The following IL13RA1 variants were observed in gnomAD, a reference collection of about 807,000 sequenced individuals.
IL13RA1 encodes interleukin-13 receptor subunit alpha-1.
Under a neutral mutation model 33.8 loss-of-function variants are expected in IL13RA1, and 14 were observed. The observed-to-expected ratio is 0.41, with a 90% CI of 0.27 to 0.65. The LOEUF is 0.65. Among genes scored for constraint, IL13RA1 ranks in the 30% least tolerant of loss-of-function variants. IL13RA1 has a pLI of 0.28. For synonymous variants in IL13RA1, 116 were observed against 115.7 expected (o/e 1.00, Z -0.02); for missense variants, 313 against 327.0 (o/e 0.96, Z 0.33).
chrX:118,802,451 G>A, the IL13RA1 span, among the ~76,000 whole-genome samples: 1 of 112,045 alleles, frequency 8.9e-6, no homozygotes, highest in South Asian at 3.7e-4. Flanking sequence ...TAATTACTTG[G>A]TAGGTTATGT....
chrX:118,764,131 T>A (rs1365024475), intron 6 of IL13RA1, among the ~76,000 whole-genome samples: 1 of 109,085 alleles, frequency 9.2e-6, no homozygotes, highest in Non-Finnish European at 1.9e-5. Context: ...CAGAGGTAGC[T>A]CATGACAGAA....
intron 9 of IL13RA1, among the ~76,000 whole-genome samples, chrX:118,774,866 T>C (rs1283072512): frequency 9.0e-6 from 1 of 111,652 alleles, no homozygotes; most frequent in African/African-American, 3.3e-5. Flanking sequence ...TATTTCAACA[T>C]TTATTCAACA....
intron 5 of IL13RA1, among the ~76,000 whole-genome samples, chrX:118,759,187 C>T (rs1231177606): frequency 9.0e-6 from 1 of 111,694 alleles, no homozygotes; most frequent in Non-Finnish European, 1.9e-5. Flanking sequence ...TAGAAAGCAC[C>T]CTCAGCTTGA....
chrX:118,762,767 AC>A (rs2017603266), intron 6 of IL13RA1, among the ~76,000 whole-genome samples: 1 of 112,199 alleles, frequency 8.9e-6, no homozygotes, highest in African/African-American at 3.2e-5. Flanking sequence ...AAGCTGAAAT[AC>A]ACTTGTTTAC....
intron 6 of IL13RA1, among the ~76,000 whole-genome samples, chrX:118,763,525 A>G (rs1334514738): frequency 8.9e-6 from 1 of 112,511 alleles, no homozygotes; most frequent in Non-Finnish European, 1.9e-5. Flanking sequence ...ACTTCCTCTT[A>G]ATAGCAATAG....
chrX:118,789,385 G>A (rs1033406091), intron 10 of IL13RA1, among the ~76,000 whole-genome samples: 3 of 111,985 alleles, frequency 2.7e-5, no homozygotes, highest in Admixed American at 9.5e-5. Flanking sequence ...CAGTATGTTC[G>A]ACTGGTTGTT....
intron 7 of IL13RA1, 117 bp from the exon 8 acceptor site, chrX:118,766,727 T>C (rs2017653703): frequency 1.7e-6 from 1 of 590,433 alleles, no homozygotes; most frequent in Admixed American, 3.2e-5. Flanking sequence ...ATAATTTGAA[T>C]TGCAATCCAA....
intron 10 of IL13RA1, among the ~76,000 whole-genome samples, chrX:118,786,503 G>A (rs2017919139): frequency 8.9e-6 from 1 of 112,139 alleles, no homozygotes. Flanking sequence ...CCAAAGTGCT[G>A]GGATTATAGG....
chrX:118,737,424 A>AT (rs2017294483), intron 1 of IL13RA1, among the ~76,000 whole-genome samples: 2 of 112,472 alleles, frequency 1.8e-5, no homozygotes, highest in African/African-American at 6.5e-5. Context: ...TGCCACTACC[A>AT]TTGTTATCTA....
intron 4 of IL13RA1, among the ~76,000 whole-genome samples, chrX:118,754,465 G>A (rs1357089902): frequency 1.8e-5 from 2 of 108,533 alleles, no homozygotes; most frequent in Non-Finnish European, 3.8e-5. Flanking sequence ...GTGAAACCCC[G>A]TCTCTACTAA....
At position 118,758,239 on chromosome X, in the gene IL13RA1, C is replaced by A. The variant is rs148722500; in HGVS notation, c.673C>A (p.Arg225Ser). 7.6e-5 allele frequency: 76 copies of A among 998,145 alleles called. No homozygotes were observed. In the African/African-American group the frequency reaches 1.4e-3, roughly 18 times the overall value. The allele number at this position is 998,145 out of a possible 1,213,427, so 82.3% of individuals were successfully genotyped here. ...PSFNIVPLTS[R>S]VKPDPPHIKN... The stretch of plus-strand genomic sequence containing the variant: ...CTTCAATATAGTGCCTTTAACTTCC[C>A]GTGGTAAGTTTTAGAAGTCCTCTAA... Residue 225 changes from arginine to serine, a missense_variant, in exon 5 of 11, where the codon CGT becomes AGT. Coordinates refer to ENST00000371666, the MANE Select transcript of IL13RA1 (RefSeq NM_001560.3).
At chrX:118,759,982 A>T (rs1019212561) in intron 5 of IL13RA1, among the ~76,000 whole-genome samples, 11 of 110,945 alleles carry the variant, frequency 9.9e-5, no homozygotes, top group African/African-American at 3.6e-4. Flanking sequence ...CATGTTTCGC[A>T]GGCTGGTCTC....
chrX:118,756,613 A>G (rs1470660975), intron 4 of IL13RA1, among the ~76,000 whole-genome samples: 5 of 111,672 alleles, frequency 4.5e-5, no homozygotes, highest in African/African-American at 1.6e-4. Context: ...GGTGTGGGCA[A>G]TGGATGTATC....
At chrX:118,746,341 C>A (rs1363811753) in intron 2 of IL13RA1, among the ~76,000 whole-genome samples, 1 of 111,181 alleles carries the variant, frequency 9.0e-6, no homozygotes, top group Non-Finnish European at 1.9e-5. Flanking sequence ...TCTCGAACTC[C>A]TGGGCTTAAG....
intron 9 of IL13RA1, among the ~76,000 whole-genome samples, chrX:118,774,315 A>C (rs1169213718): frequency 9.2e-6 from 1 of 109,020 alleles, no homozygotes; most frequent in Non-Finnish European, 1.9e-5. Flanking sequence ...ACGCCCGGCT[A>C]ATTTTTTGTA....
chrX:118,788,029 TG>T (rs1424228526), intron 10 of IL13RA1, among the ~76,000 whole-genome samples: 3 of 112,013 alleles, frequency 2.7e-5, no homozygotes, highest in Non-Finnish European at 5.6e-5. Flanking sequence ...GAGTATTGAT[TG>T]GGGAAGTGAT....
At chrX:118,752,817 AT>A (rs776666876) in intron 4 of IL13RA1, among the ~76,000 whole-genome samples, 13 of 112,379 alleles carry the variant, frequency 1.2e-4, no homozygotes, top group African/African-American at 4.2e-4. Flanking sequence ...TGGTTCATGA[AT>A]AAAAAGAGAG....
chrX:118,744,524 C>T (rs917739663), intron 2 of IL13RA1, among the ~76,000 whole-genome samples: 1 of 111,305 alleles, frequency 9.0e-6, no homozygotes, highest in African/African-American at 3.3e-5. Context: ...CTTAGCCTGC[C>T]AAATAGCTGG....
chrX:118,756,012 T>G (rs931194664), intron 4 of IL13RA1, among the ~76,000 whole-genome samples: 5 of 111,301 alleles, frequency 4.5e-5, no homozygotes, highest in Non-Finnish European at 7.5e-5. Context: ...GCTCTGAGTT[T>G]TTTTTTTTTT....
Sources: allele counts gnomAD v4.1 joint callset (sites outside exome capture counted in the v4.1 genomes callset), GRCh38; gene constraint gnomAD v4.1.1; transcripts MANE v1.5; gene names NCBI Gene and HGNC (gene_info 2026-07-23, HGNC 2026-07-21).